Variants in FAM222B observed in about 807,000 individuals in gnomAD.
The protein encoded by FAM222B is family with sequence similarity 222 member B.
FAM222B carries 12 observed loss-of-function variants against 38.0 expected under a neutral mutation model. The observed-to-expected ratio is 0.32, with a 90% CI of 0.20 to 0.51. The LOEUF (loss-of-function observed/expected upper bound fraction) is 0.51, where lower values mean the gene tolerates loss of function less well. Ranked by LOEUF, FAM222B falls within the 20% of genes least tolerant of loss-of-function variation. FAM222B has a pLI of 0.97. For missense variants in FAM222B, 716 were observed against 754.2 expected (o/e 0.95, Z 0.59); for synonymous variants, 329 against 317.2 (o/e 1.04, Z -0.40).
At chr17:28,763,886 A>G (rs912808690) in intron 2 of FAM222B, among the ~76,000 whole-genome samples, 6 of 152,120 alleles carry the variant, frequency 3.9e-5, no homozygotes, top group African/African-American at 1.4e-4. Flanking sequence ...CCATTTCCAG[A>G]CCCCTCCACT....
At chr17:28,823,120 A>T (rs1282434503) in intron 1 of FAM222B, among the ~76,000 whole-genome samples, 1 of 151,646 alleles carries the variant, frequency 6.6e-6, no homozygotes, top group Non-Finnish European at 1.5e-5. Context: ...ACAATGACAC[A>T]GGAAGTTTTC....
chr17:28,818,382 G>A (rs2038099152), intron 1 of FAM222B, among the ~76,000 whole-genome samples: 1 of 151,730 alleles, frequency 6.6e-6, no homozygotes, highest in Admixed American at 6.6e-5. Context: ...CAAAAAATTA[G>A]CTGGGCGTGG....
intron 1 of FAM222B, among the ~76,000 whole-genome samples, chr17:28,826,324 C>T (rs1333757009): frequency 1.3e-5 from 2 of 151,790 alleles, no homozygotes; most frequent in African/African-American, 2.4e-5. Flanking sequence ...CCTGCCTCGG[C>T]CTCCTAAAGT....
At chr17:28,792,034 A>G (rs1390636939) in intron 1 of FAM222B, among the ~76,000 whole-genome samples, 1 of 150,974 alleles carries the variant, frequency 6.6e-6, no homozygotes, top group Non-Finnish European at 1.5e-5. Context: ...GGTGTAGGCC[A>G]GGCGCAGTGG....
At chr17:28,828,568 GAA>G (rs34469459) in intron 1 of FAM222B, among the ~76,000 whole-genome samples, 1 of 127,952 alleles carries the variant, frequency 7.8e-6, no homozygotes. Flanking sequence ...ACTCTGTCAC[GAA>G]AAAAAAAAAA....
At position 28,827,334 on chromosome 17, in the gene FAM222B, G is replaced by A. The variant is rs532255212; in HGVS notation, c.-41+15348C>T. 3.3e-4 allele frequency among the ~76,000 whole-genome samples: 50 copies of A among 152,122 alleles called. No individual in the cohort carries two copies. In the South Asian group the frequency reaches 0.01, roughly 32 times the overall value. ...GACAGTGCCATGGCACTCCAAGCCT[G>A]GGTAACACAGTGAGATCTTGTCTAT... On this transcript the variant is annotated intron_variant, in intron 1 of 2. Coordinates refer to ENST00000581407, the MANE Select transcript of FAM222B (RefSeq NM_001077498.3).
rs1392365667 is a variant in FAM222B, at chr17:28,758,410, G to C, written c.1549C>G (p.Leu517Val). The change falls in exon 3 of 3, where the codon CTA (leucine) becomes GTA (valine). Residue 517 changes from leucine (L) to valine (V), a missense_variant. Transcript: ENST00000581407. Reference protein sequence around the residue: ...QNSLMQTVDYLSGDFQQACFR... With the variant: ...QNSLMQTVDYVSGDFQQACFR... ...CAGGCCTGTTGGAAATCCCCACTTA[G>C]GTAATCCACTGTTTGCATCAAGCTG... 2 of 1,613,800 alleles carry C rather than the reference G, an allele frequency of 1.2e-6. No individual in the cohort carries two copies. Among genetic ancestry groups the C allele is most frequent in the East Asian group, 2.2e-5 (1 of 44,892 alleles).
rs1192458189 is a variant in FAM222B, at chr17:28,758,583, G to A, written c.1376C>T (p.Pro459Leu). 1.2e-6 allele frequency: 2 copies of A among 1,610,444 alleles called. No homozygotes were observed. Among genetic ancestry groups the A allele is most frequent in the Non-Finnish European group, 1.7e-6 (2 of 1,179,864 alleles). The change falls in exon 3 of 3, where the codon CCC becomes CTC. Residue 459 changes from proline (P) to leucine (L), a missense_variant. Pro to Leu is a moderately conservative substitution (Grantham distance 98). Transcript: ENST00000581407. Reference sequence around the variant, plus strand: ...CCCCGAGCTGTCGCTATTGGGAGTGGGCAGAATGTTGTTCCACAGGGGTTG... The same window carrying A: ...CCCCGAGCTGTCGCTATTGGGAGTGAGCAGAATGTTGTTCCACAGGGGTTG... ...YFQPLWNNILPTPNSDSSGSQ... is the reference protein window; with the variant it reads ...YFQPLWNNILLTPNSDSSGSQ...
At chr17:28,837,884 C>G (rs2152625520) in intron 1 of FAM222B, among the ~76,000 whole-genome samples, 2 of 152,238 alleles carry the variant, frequency 1.3e-5, no homozygotes, top group Middle Eastern at 6.8e-3. Flanking sequence ...AATTCCTGAC[C>G]TCAAATGATC....
chr17:28,844,973 T>G (rs1412935379), upstream of FAM222B, among the ~76,000 whole-genome samples: 2 of 149,582 alleles, frequency 1.3e-5, no homozygotes, highest in East Asian at 2.0e-4. Flanking sequence ...CATGGTGGCA[T>G]GCACCTGTAG....
At chr17:28,854,186 G>A (rs900430640) in intron 1 of FAM222B, among the ~76,000 whole-genome samples, 5 of 152,068 alleles carry the variant, frequency 3.3e-5, no homozygotes, top group South Asian at 2.1e-4. Flanking sequence ...CTCGTGATCC[G>A]CCCGCCTCGG....
At chr17:28,818,267 G>A (rs978708761) in intron 1 of FAM222B, among the ~76,000 whole-genome samples, 4 of 152,180 alleles carry the variant, frequency 2.6e-5, no homozygotes, top group East Asian at 3.9e-4. Context: ...GGTGGCTCAC[G>A]CCTGTAATCC....
chr17:28,843,136 G>GTTT (rs1567912491), upstream of FAM222B, among the ~76,000 whole-genome samples: 1 of 139,286 alleles, frequency 7.2e-6, no homozygotes. Context: ...ATAAATTTGG[G>GTTT]TCTTTTTTTT....
At chr17:28,811,854 T>C (rs79114146) in intron 1 of FAM222B, among the ~76,000 whole-genome samples, 2 of 152,188 alleles carry the variant, frequency 1.3e-5, no homozygotes, top group South Asian at 2.1e-4. Context: ...ACAACCTTAA[T>C]GGACACGCAT....
chr17:28,817,111 T>TAA (rs928004535), intron 1 of FAM222B, among the ~76,000 whole-genome samples: 1 of 147,160 alleles, frequency 6.8e-6, no homozygotes, highest in African/African-American at 2.5e-5. Context: ...ACATGACTGT[T>TAA]AAAAAAAAAA....
intron 1 of FAM222B, among the ~76,000 whole-genome samples, chr17:28,768,886 G>A (rs1406696128): frequency 6.7e-6 from 1 of 149,822 alleles, no homozygotes; most frequent in Non-Finnish European, 1.5e-5. Context: ...GGGTCTGGAT[G>A]CTGATCTTTA....
intron 1 of FAM222B, among the ~76,000 whole-genome samples, chr17:28,813,524 C>A (rs2037895093): frequency 1.4e-5 from 2 of 147,718 alleles, no homozygotes; most frequent in Non-Finnish European, 3.0e-5. Flanking sequence ...ACAGTTGTTT[C>A]TTTTTTTTTT....
chr17:28,846,641 G>C (rs1475520319), upstream of FAM222B, among the ~76,000 whole-genome samples: 1 of 151,668 alleles, frequency 6.6e-6, no homozygotes, highest in African/African-American at 2.4e-5. Context: ...TCCAGCCTAG[G>C]GGAGCCAGAC....
At chr17:28,792,243 C>T (rs1192619433) in intron 1 of FAM222B, among the ~76,000 whole-genome samples, 4 of 147,290 alleles carry the variant, frequency 2.7e-5, no homozygotes, top group African/African-American at 1.0e-4. Flanking sequence ...ACCTGGGAGG[C>T]GGAGCTTGCA....
Sources: gnomAD v4.1 joint callset for allele counts (sites outside exome capture counted in the v4.1 genomes callset) on GRCh38, gnomAD v4.1.1 for gene constraint, MANE v1.5 for transcripts, NCBI Gene and HGNC (gene_info 2026-07-23, HGNC 2026-07-21) for gene names.